LANCL2: variants seen among roughly 807,000 people sequenced by gnomAD.
LANCL2 encodes the protein LanC like glutathione S-transferase 2.
Under a neutral mutation model 56.9 loss-of-function variants are expected in LANCL2, and 33 were observed. The observed-to-expected ratio is 0.58, with a 90% confidence interval of 0.44 to 0.78. The LOEUF (loss-of-function observed/expected upper bound fraction) is 0.78, where lower values mean the gene tolerates loss of function less well. Ranked by LOEUF, LANCL2 falls within the 30% of genes least tolerant of loss-of-function variation. The pLI is 0.00. For missense variants in LANCL2, 562 were observed against 580.2 expected (o/e 0.97, Z 0.32); for synonymous variants, 233 against 228.2 (o/e 1.02, Z -0.19).
intron 3 of LANCL2, 126 bp downstream of exon 3, chr7:55,398,756 TA>T (rs1790285561): frequency 5.5e-6 from 4 of 732,736 alleles, no homozygotes; most frequent in Non-Finnish European, 7.0e-6. Context: ...TCCAAAATGT[TA>T]ATCTTGAGCA....
chr7:55,430,648 A>G (rs1182696617), intron 8 of LANCL2, among the ~76,000 whole-genome samples: 2 of 152,258 alleles, frequency 1.3e-5, no homozygotes, highest in African/African-American at 4.8e-5. Context: ...AACTGTAAAC[A>G]AAAACCCTGT....
intron 1 of LANCL2, among the ~76,000 whole-genome samples, chr7:55,372,562 G>T (rs1789955357): frequency 6.6e-6 from 1 of 152,144 alleles, no homozygotes; most frequent in African/African-American, 2.4e-5. Flanking sequence ...GGCTAATTAG[G>T]TTAATACATT....
At chr7:55,426,429 A>G (rs1790664557) in intron 7 of LANCL2, among the ~76,000 whole-genome samples, 1 of 152,274 alleles carries the variant, frequency 6.6e-6, no homozygotes, top group African/African-American at 2.4e-5. Flanking sequence ...AAGTGTGTAC[A>G]GTGACCCTTG....
chr7:55,424,731 A>C (rs1790643817), intron 6 of LANCL2, among the ~76,000 whole-genome samples: 2 of 152,216 alleles, frequency 1.3e-5, no homozygotes, highest in African/African-American at 4.8e-5. Context: ...CCTGTTAGGG[A>C]CTGGGCTGCA....
chr7:55,381,878 C>A (rs1385089755), intron 1 of LANCL2, among the ~76,000 whole-genome samples: 1 of 152,192 alleles, frequency 6.6e-6, no homozygotes, highest in Non-Finnish European at 1.5e-5. Flanking sequence ...GTCTGGGATG[C>A]AAATCATAGA....
intron 1 of LANCL2, among the ~76,000 whole-genome samples, chr7:55,375,408 C>A (rs1789989770): frequency 6.6e-6 from 1 of 152,096 alleles, no homozygotes; most frequent in South Asian, 2.1e-4. Context: ...TTTTAAATAC[C>A]ATCTCTGTCC....
chr7:55,379,125 G>C (rs1011219690), intron 1 of LANCL2, among the ~76,000 whole-genome samples: 4 of 151,990 alleles, frequency 2.6e-5, no homozygotes, highest in Non-Finnish European at 5.9e-5. Context: ...ACTCCAGCCT[G>C]GGTGACAGAG....
intron 5 of LANCL2, among the ~76,000 whole-genome samples, chr7:55,407,909 C>T (rs2128994773): frequency 6.6e-6 from 1 of 152,380 alleles, no homozygotes; most frequent in South Asian, 2.1e-4. Context: ...CGCAGCCCCT[C>T]CGGTGCACTG....
At chr7:55,377,497 T>C (rs1163652770) in intron 1 of LANCL2, among the ~76,000 whole-genome samples, 1 of 152,088 alleles carries the variant, frequency 6.6e-6, no homozygotes, top group East Asian at 1.9e-4. Context: ...TGTCTCGTCT[T>C]CCCAACCTCC....
At chr7:55,414,513 T>C (rs1269820882) in intron 6 of LANCL2, among the ~76,000 whole-genome samples, 1 of 152,220 alleles carries the variant, frequency 6.6e-6, no homozygotes, top group Non-Finnish European at 1.5e-5. Flanking sequence ...AAAAATATTA[T>C]TAATTATCCT....
intron 4 of LANCL2, 131 bp from the exon 5 acceptor site, chr7:55,401,043 C>T (rs1790316242): frequency 1.8e-6 from 1 of 555,190 alleles, no homozygotes; most frequent in Non-Finnish European, 3.0e-6. Flanking sequence ...CTGCTAACTG[C>T]TTAAAGACTT....
chr7:55,382,522 G>A (rs1296247922), intron 1 of LANCL2, among the ~76,000 whole-genome samples: 1 of 152,138 alleles, frequency 6.6e-6, no homozygotes, highest in Non-Finnish European at 1.5e-5. Context: ...ACTCAAATCA[G>A]TGTCTCTGAA....
Position 55,425,429 on chromosome 7 carries a change from A to G in LANCL2, c.1184A>G (p.Lys395Arg). The change falls in exon 7 of 9, where the codon AAG (lysine) becomes AGG (arginine). Residue 395 changes from lysine to arginine, a missense_variant and splice_region_variant. Physicochemically the swap from Lys to Arg is conservative, Grantham distance 26. This residue lies in a region of LANCL2 where 378 missense variants were observed against 468.4 expected (regional missense o/e 0.81). Coordinates refer to ENST00000254770, the MANE Select transcript of LANCL2 (RefSeq NM_018697.4). ...AAGAAGTACCTCTACCGAGCTTGCA[A>G]GGTGAGGGTGGCTCTGTTGGAACTG... ...QDKKYLYRAC[K>R]FAEWCLDYGA... is the part of the protein sequence containing the mutation. 6.2e-7 allele frequency: 1 copy of G among 1,613,932 alleles called. No individual in the cohort carries two copies. Among genetic ancestry groups the G allele is most frequent in the Non-Finnish European group, 8.5e-7 (1 of 1,179,864 alleles).
In LANCL2 at chr7:55,431,654, A is replaced by G. The variant is rs915724706; in HGVS notation, c.*334A>G. 14 of 217,736 alleles carry G rather than the reference A, an allele frequency of 6.4e-5. No homozygotes were observed. Among genetic ancestry groups the G allele is most frequent in the Non-Finnish European group, 1.1e-4 (12 of 110,806 alleles). The allele number at this position is 217,736 out of a possible 1,614,324, so 13.5% of individuals were successfully genotyped here. ...CATGCATGAATGTATGGCAGTGTCC[A>G]CTTTTCTGTATAAAATGTATAAAGT... On this transcript the variant is annotated 3_prime_UTR_variant, in exon 9 of 9. Coordinates refer to ENST00000254770, the MANE Select transcript of LANCL2 (RefSeq NM_018697.4).
At chr7:55,417,428 AG>A (rs1790556741) in intron 6 of LANCL2, among the ~76,000 whole-genome samples, 1 of 152,106 alleles carries the variant, frequency 6.6e-6, no homozygotes, top group South Asian at 2.1e-4. Flanking sequence ...GACTCTATTC[AG>A]TTACTTTGGC....
intron 5 of LANCL2, among the ~76,000 whole-genome samples, chr7:55,407,527 C>T (rs927720822): frequency 6.6e-6 from 1 of 152,242 alleles, no homozygotes; most frequent in African/African-American, 2.4e-5. Flanking sequence ...TGTGGTCAGA[C>T]ATTCTGGATG....
intron 6 of LANCL2, among the ~76,000 whole-genome samples, chr7:55,413,507 G>T (rs763207805): frequency 6.6e-6 from 1 of 152,230 alleles, no homozygotes; most frequent in Non-Finnish European, 1.5e-5. Flanking sequence ...TGGAGAGCAA[G>T]CAGGTGCCAG....
At chr7:55,428,276 G>C in intron 7 of LANCL2, 99 bp from the exon 8 acceptor site, 1 of 1,042,194 alleles carries the variant, frequency 9.6e-7, no homozygotes, top group Admixed American at 1.7e-5. Context: ...ACAGCTGGGG[G>C]TCCACTTCCC....
Position 55,365,898 on chromosome 7 carries a change from C to A in LANCL2, c.-128C>A. On this transcript the variant is annotated 5_prime_UTR_variant, in exon 1 of 9. Transcript: ENST00000254770. ...ACGCTCAGACGCCCCGCTCCTCCCG[C>A]CAGCGCGCGGCCTCGCTCCTCCTAG... 1 of 669,980 alleles carries A rather than the reference C, an allele frequency of 1.5e-6. No individual in the cohort carries two copies. The highest frequency in any genetic ancestry group is 2.3e-6 in the Non-Finnish European group (1 of 434,930). 41.5% of individuals were successfully genotyped at this position (669,980 alleles called of 1,614,324 possible).
Sources: allele counts gnomAD v4.1 joint callset (sites outside exome capture counted in the v4.1 genomes callset), GRCh38; gene constraint gnomAD v4.1.1; regional missense constraint gnomAD v4.1.1; transcripts MANE v1.5; gene names NCBI Gene and HGNC (gene_info 2026-07-23, HGNC 2026-07-21).